The following XKR6 variants were observed in gnomAD, a reference collection of about 807,000 sequenced individuals.
The protein encoded by XKR6 is XK related 6, also known as XK-related protein 6.
Under a neutral mutation model 56.7 loss-of-function variants are expected in XKR6, and 22 were observed. That is an observed-to-expected ratio of 0.39 (90% CI 0.28 to 0.55). The LOEUF (loss-of-function observed/expected upper bound fraction) is 0.55. Ranked by LOEUF, XKR6 falls within the 20% of genes least tolerant of loss-of-function variation. XKR6 has a pLI of 0.66. For synonymous variants in XKR6, 524 were observed against 387.8 expected (o/e 1.35, Z -4.13); for missense variants, 852 against 889.0 (o/e 0.96, Z 0.53).
At chr8:10,929,660 T>C (rs991634094) in intron 1 of XKR6, among the ~76,000 whole-genome samples, 1 of 152,218 alleles carries the variant, frequency 6.6e-6, no homozygotes, top group East Asian at 1.9e-4. Flanking sequence ...AGTTTCCTCA[T>C]GTATAAAATG....
At chr8:11,101,762 T>G (rs1277686226) in intron 1 of XKR6, among the ~76,000 whole-genome samples, 1 of 152,208 alleles carries the variant, frequency 6.6e-6, no homozygotes, top group Non-Finnish European at 1.5e-5. Flanking sequence ...ACCCTTGCAT[T>G]TGACCCTGCT....
In XKR6 at chr8:11,195,091, C is replaced by A. The variant is rs117708369; in HGVS notation, c.764+5485G>T. On this transcript the variant is annotated intron_variant, in intron 1 of 2. Coordinates refer to ENST00000416569, the MANE Select transcript of XKR6 (RefSeq NM_173683.4). Reference sequence around the variant, plus strand: ...CTCTGTCTCAATTTAACCCACTTACCCTCACAGCTAAGCAAGTATTTCTGG... The same window carrying A: ...CTCTGTCTCAATTTAACCCACTTACACTCACAGCTAAGCAAGTATTTCTGG... 4.4e-3 allele frequency: 3,062 copies of A among 702,374 alleles called. 16 individuals are homozygous for A. The highest frequency in any genetic ancestry group is 0.02 in the Middle Eastern group (89 of 4,362). 43.5% of individuals were successfully genotyped at this position (702,374 alleles called of 1,614,324 possible). A position where few individuals can be genotyped will look rare whatever the true frequency, so the allele number is the denominator to read the frequency against.
chr8:10,913,261 G>A (rs1179825070), intron 2 of XKR6, among the ~76,000 whole-genome samples: 3 of 151,870 alleles, frequency 2.0e-5, no homozygotes, highest in African/African-American at 7.3e-5. Flanking sequence ...TAAGCCCCAG[G>A]ACAGAGATCC....
chr8:11,173,867 G>A (rs1802510679), intron 1 of XKR6, among the ~76,000 whole-genome samples: 1 of 152,136 alleles, frequency 6.6e-6, no homozygotes, highest in African/African-American at 2.4e-5. Flanking sequence ...TCTGCTCACA[G>A]ATCACTTGGA....
chr8:11,080,537 C>T (rs1305451450), intron 1 of XKR6, among the ~76,000 whole-genome samples: 2 of 152,254 alleles, frequency 1.3e-5, no homozygotes, highest in Non-Finnish European at 2.9e-5. Flanking sequence ...AAAGTCAACA[C>T]TTGCCACTGC....
chr8:11,123,290 A>G (rs1197942920), intron 1 of XKR6: 2 of 151,944 alleles, frequency 1.3e-5, no homozygotes, highest in South Asian at 2.1e-4. Context: ...ACCATTTACA[A>G]TATTTCTCTT....
At chr8:11,002,081 A>C (rs935990789) in intron 1 of XKR6, among the ~76,000 whole-genome samples, 10 of 146,702 alleles carry the variant, frequency 6.8e-5, no homozygotes, top group Non-Finnish European at 1.2e-4. Flanking sequence ...AAAAAAAAAA[A>C]CACACAAAAA....
At chr8:11,139,157 A>G (rs10282848) in intron 1 of XKR6, among the ~76,000 whole-genome samples, 21,313 of 152,292 alleles carry the variant, frequency 0.14, 3,177 homozygotes, top group African/African-American at 0.38. Flanking sequence ...TGGCCTCCAC[A>G]ACAAGGGTGT....
rs1801566313 is a variant in XKR6, at chr8:10,946,888, G to GA, written c.765-22059dup. Among the ~76,000 whole-genome samples, 10 of 152,286 alleles carry GA rather than the reference G, an allele frequency of 6.6e-5. No individual in the cohort carries two copies. In the South Asian group the frequency reaches 2.1e-3, roughly 32 times the overall value. Reference sequence around the variant, plus strand: ...TGGAGCTGAGTGCTCAAGGATGGGGGAGAGTTCACCAAGCAGCTAAGGGAA... The same window carrying GA: ...TGGAGCTGAGTGCTCAAGGATGGGGGAAGAGTTCACCAAGCAGCTAAGGGAA... On this transcript the variant is annotated intron_variant, in intron 1 of 2. Coordinates refer to ENST00000416569, the MANE Select transcript of XKR6 (RefSeq NM_173683.4).
chr8:11,180,570 C>A (rs1421125701), intron 1 of XKR6, among the ~76,000 whole-genome samples: 2 of 152,178 alleles, frequency 1.3e-5, no homozygotes, highest in Non-Finnish European at 2.9e-5. Flanking sequence ...AGCATGGAGA[C>A]AAATAGTACA....
chr8:11,006,054 G>T (rs1450623564), intron 1 of XKR6, among the ~76,000 whole-genome samples: 10 of 152,050 alleles, frequency 6.6e-5, no homozygotes, highest in Admixed American at 6.5e-4. Context: ...ATGGTGGCCA[G>T]GCTGGTCTCG....
chr8:11,154,201 G>A lies in XKR6; in HGVS notation c.764+46375C>T, dbSNP rs117398785. 3.5e-3 allele frequency among the ~76,000 whole-genome samples: 528 copies of A among 152,316 alleles called. 7 individuals are homozygous for A. Among genetic ancestry groups the A allele is most frequent in the Non-Finnish European group, 6.3e-3 (428 of 68,028 alleles). On this transcript the variant is annotated intron_variant, in intron 1 of 2. Transcript: ENST00000416569. ...AAGGACCAATCATGTGATTTAGGGT[G>A]GGAGCTCTGGCTCACACGATACCAG... is the stretch of plus-strand genomic sequence containing the variant.
chr8:11,201,276 C>T lies in XKR6; in HGVS notation c.64G>A (p.Glu22Lys), dbSNP rs777213893. ...VGFAQLHNLD[E>K]AVGSGGEEDG... ...TCCTCGCCGCCGCTGCCCACCGCCT[C>T]GTCCAGGTTGTGCAGCTGAGCGAAG... The change falls in exon 1 of 3, where the codon GAG (glutamate) becomes AAG (lysine). Residue 22 changes from glutamate (E) to lysine (K), a missense_variant. Glu to Lys is a moderately conservative substitution (Grantham distance 56). Coordinates refer to ENST00000416569, the MANE Select transcript of XKR6 (RefSeq NM_173683.4). The T allele has an allele frequency of 6.3e-7, 1 of 1,580,576 alleles. No homozygotes were observed. The highest frequency in any genetic ancestry group is 8.5e-7 in the Non-Finnish European group (1 of 1,173,154).
At chr8:11,003,156 T>G (rs564716511) in intron 1 of XKR6, among the ~76,000 whole-genome samples, 13 of 146,124 alleles carry the variant, frequency 8.9e-5, no homozygotes, top group African/African-American at 2.9e-4. Flanking sequence ...AGGTGAGCCT[T>G]GAAATAATAG....
At chr8:11,089,503 G>A (rs1007173913) in intron 1 of XKR6, among the ~76,000 whole-genome samples, 1 of 152,112 alleles carries the variant, frequency 6.6e-6, no homozygotes, top group African/African-American at 2.4e-5. Flanking sequence ...AGGGTGTATT[G>A]ATGCATGCTT....
chr8:10,939,558 G>T (rs1406063149), intron 1 of XKR6, among the ~76,000 whole-genome samples: 2 of 152,348 alleles, frequency 1.3e-5, no homozygotes, highest in East Asian at 3.9e-4. Context: ...GCAATCTCTA[G>T]CTCTCACCCC....
At chr8:10,910,928 C>A (rs888590246) in intron 2 of XKR6, among the ~76,000 whole-genome samples, 1 of 152,210 alleles carries the variant, frequency 6.6e-6, no homozygotes, top group Non-Finnish European at 1.5e-5. Context: ...TGGCCGTCTG[C>A]TTTCCCTGGA....
intron 1 of XKR6, among the ~76,000 whole-genome samples, chr8:11,173,319 G>A (rs950258264): frequency 2.7e-5 from 4 of 150,894 alleles, no homozygotes; most frequent in African/African-American, 9.8e-5. Context: ...ACTCCAGCCT[G>A]GGCAACAAAG....
intron 1 of XKR6, among the ~76,000 whole-genome samples, chr8:10,961,832 C>T (rs1037136794): frequency 6.6e-6 from 1 of 152,196 alleles, no homozygotes; most frequent in Non-Finnish European, 1.5e-5. Flanking sequence ...CCGAGGGGAA[C>T]GTTGCCAGGA....
Sources: allele counts gnomAD v4.1 joint callset (sites outside exome capture counted in the v4.1 genomes callset), GRCh38; gene constraint gnomAD v4.1.1; transcripts MANE v1.5; gene names NCBI Gene and HGNC (gene_info 2026-07-23, HGNC 2026-07-21).